GALNT1: variants seen among roughly 807,000 people sequenced by gnomAD.
The protein encoded by GALNT1 is GalNAc transferase 1.
Under a neutral mutation model 65.7 loss-of-function variants are expected in GALNT1, and 17 were observed. The ratio of observed to expected loss-of-function variants is 0.26; its 90% CI spans 0.18 to 0.39. The LOEUF (loss-of-function observed/expected upper bound fraction) is 0.39, where lower values mean the gene tolerates loss of function less well. GALNT1 is among the 10% of genes least tolerant of loss of function. The probability of loss-of-function intolerance (pLI) is 1.00; values close to 1 mark genes in which losing one functional copy is unlikely to be tolerated. For synonymous variants in GALNT1, 210 were observed against 219.7 expected, an observed-to-expected ratio of 0.96 and a Z score of 0.39; for missense variants, 460 against 672.8, an observed-to-expected ratio of 0.68 and a Z score of 3.50.
chr18:35,709,615 C>CTATT lies in GALNT1; in HGVS notation c.1534-7_1534-4dup, dbSNP rs2048323802. On this transcript the variant is annotated splice_polypyrimidine_tract_variant and intron_variant, in intron 11 of 11. Coordinates refer to ENST00000269195, the MANE Select transcript of GALNT1 (RefSeq NM_020474.4). ...TTCCACTCTCATGTTAAGATTTTTT[C>CTATT]TATTTCAGAAATTAACCCTGCAGCA... 2 of 1,611,710 alleles carry CTATT rather than the reference C, an allele frequency of 1.2e-6. No individual in the cohort carries two copies. The highest frequency in any genetic ancestry group is 1.7e-5 in the Admixed American group (1 of 59,396).
chr18:35,652,268 A>G (rs2047321016), intron 1 of GALNT1, among the ~76,000 whole-genome samples: 1 of 152,178 alleles, frequency 6.6e-6, no homozygotes, highest in African/African-American at 2.4e-5. Context: ...CCTAAGAGCC[A>G]AACCCTGTGG....
intron 1 of GALNT1, among the ~76,000 whole-genome samples, chr18:35,637,442 C>A (rs2144261767): frequency 6.6e-6 from 1 of 152,320 alleles, no homozygotes; most frequent in Middle Eastern, 3.4e-3. Context: ...TTTTAGTAGT[C>A]TGCATAGATC....
At chr18:35,689,970 A>C (rs757998415) in intron 7 of GALNT1, among the ~76,000 whole-genome samples, 50 of 152,186 alleles carry the variant, frequency 3.3e-4, no homozygotes, top group Admixed American at 1.8e-3. Flanking sequence ...CTTCTTGTCA[A>C]AGAGAGGGTT....
intron 1 of GALNT1, among the ~76,000 whole-genome samples, chr18:35,625,126 T>C (rs2046899738): frequency 6.6e-6 from 1 of 152,248 alleles, no homozygotes; most frequent in Non-Finnish European, 1.5e-5. Context: ...AGACATTTCA[T>C]AACATCTTTA....
At chr18:35,654,949 T>G (rs986369786) in intron 2 of GALNT1, 148 bp downstream of exon 2, 4 of 485,228 alleles carry the variant, frequency 8.2e-6, no homozygotes, top group African/African-American at 2.0e-5. Context: ...TTGATAGTTC[T>G]CCAATGGGTT....
At position 35,709,588 on chromosome 18, in the gene GALNT1, T is replaced by G. The variant is rs762872973; in HGVS notation, c.1534-36T>G. 3.1e-6 allele frequency: 5 copies of G among 1,607,788 alleles called. No individual in the cohort carries two copies. The Admixed American group carries it at 8.5e-5, about 27-fold the overall frequency. On this transcript the variant is annotated intron_variant, in intron 11 of 11. Coordinates refer to ENST00000269195, the MANE Select transcript of GALNT1 (RefSeq NM_020474.4). ...AACTGATGCTTGAGGTGTTTTGTTT[T>G]CTTCCACTCTCATGTTAAGATTTTT...
In GALNT1 at chr18:35,709,781, A is replaced by C. The variant is rs1019278551; in HGVS notation, c.*11A>C. On this transcript the variant is annotated 3_prime_UTR_variant, in exon 12 of 12. Transcript: ENST00000269195. ...CCAGAAATATTCTGAGACCAAATTT[A>C]CAAAAAAACGAAAAAAATAAGGATT... The C allele has an allele frequency of 1.1e-5, 17 of 1,613,774 alleles. No individual in the cohort carries two copies. Among genetic ancestry groups the C allele is most frequent in the Non-Finnish European group, 1.4e-5 (16 of 1,179,824 alleles).
At chr18:35,629,067 T>G (rs2046965188) in intron 1 of GALNT1, among the ~76,000 whole-genome samples, 1 of 152,092 alleles carries the variant, frequency 6.6e-6, no homozygotes. Flanking sequence ...TGGGACTATG[T>G]GAAAAGACCA....
chr18:35,677,623 C>G lies in GALNT1; in HGVS notation c.347C>G (p.Pro116Arg), dbSNP rs749605460. 2 of 1,612,568 alleles carry G rather than the reference C, an allele frequency of 1.2e-6. No homozygotes were observed. The highest frequency in any genetic ancestry group is 1.7e-6 in the Non-Finnish European group (2 of 1,179,034). ...CKTKVYPDNL[P>R]TTSVVIVFHN... is the part of the protein sequence containing the mutation. ...ACAAAGGTGTATCCAGATAATCTTC[C>G]TACAACAAGTGTGGTGATTGTTTTC... Residue 116 changes from proline to arginine, a missense_variant, in exon 4 of 12, where the codon CCT (proline) becomes CGT (arginine). By Grantham distance (103) the Pro-to-Arg change is moderately radical (BLOSUM62 -2). Transcript: ENST00000269195.
At chr18:35,673,128 G>C (rs1400976022) in intron 3 of GALNT1, among the ~76,000 whole-genome samples, 3 of 152,140 alleles carry the variant, frequency 2.0e-5, no homozygotes, top group Non-Finnish European at 4.4e-5. Context: ...TGCCTGGCAG[G>C]TAGCCAGACA....
intron 2 of GALNT1, among the ~76,000 whole-genome samples, chr18:35,656,610 A>G (rs2047390141): frequency 6.6e-6 from 1 of 152,230 alleles, no homozygotes; most frequent in Non-Finnish European, 1.5e-5. Flanking sequence ...ATAGGAGAAC[A>G]AGAGCACAGG....
chr18:35,699,392 G>A (rs1266052512), intron 9 of GALNT1, among the ~76,000 whole-genome samples: 1 of 152,156 alleles, frequency 6.6e-6, no homozygotes, highest in Non-Finnish European at 1.5e-5. Flanking sequence ...TAGAATCTCA[G>A]TTGCTGTTAG....
chr18:35,599,661 C>G (rs954453948), intron 1 of GALNT1, among the ~76,000 whole-genome samples: 1 of 152,140 alleles, frequency 6.6e-6, no homozygotes, highest in African/African-American at 2.4e-5. Context: ...TTACGCCTAG[C>G]CAGATTTAAG....
intron 4 of GALNT1, among the ~76,000 whole-genome samples, chr18:35,679,577 C>T (rs571966936): frequency 6.6e-6 from 1 of 152,252 alleles, no homozygotes; most frequent in Non-Finnish European, 1.5e-5. Context: ...CCACCTGAGG[C>T]TTAGTCTCTA....
rs1215368123 is a variant in GALNT1, at chr18:35,710,731, C to T, written c.*961C>T. On this transcript the variant is annotated 3_prime_UTR_variant, in exon 12 of 12. Transcript: ENST00000269195. ...TGACCTAACTGATTATGCGAAATACCCAAGATTCATGCTACTGTACCACAG... is the reference window on the plus strand; with the variant it reads ...TGACCTAACTGATTATGCGAAATACTCAAGATTCATGCTACTGTACCACAG... 6.6e-6 allele frequency: 1 copy of T among 152,550 alleles called. No individual in the cohort carries two copies. Among genetic ancestry groups the T allele is most frequent in the Non-Finnish European group, 1.5e-5 (1 of 68,014 alleles). The allele number at this position is 152,550 out of a possible 1,614,324, so 9.4% of individuals were successfully genotyped here.
chr18:35,668,063 G>A (rs2047574416), intron 3 of GALNT1, among the ~76,000 whole-genome samples: 1 of 152,156 alleles, frequency 6.6e-6, no homozygotes, highest in Non-Finnish European at 1.5e-5. Context: ...CCATGCTTAG[G>A]TGATAATATA....
intron 9 of GALNT1, among the ~76,000 whole-genome samples, chr18:35,698,321 T>C (rs1162928531): frequency 6.6e-6 from 1 of 151,760 alleles, no homozygotes; most frequent in Non-Finnish European, 1.5e-5. Context: ...TATGAAAAAT[T>C]AGCTGAGTGT....
rs1167281188 is a variant in GALNT1 at position 35,683,405 on chromosome 18, CCTT to C, written c.497_499del (p.Pro166del). Reference sequence around the variant, plus strand: ...TCATTTTCCAGACTTTTTGAAAAGGCCTTTAGAGAGTTATGTGAAAAAACTAAA... The same window carrying C: ...TCATTTTCCAGACTTTTTGAAAAGGCTAGAGAGTTATGTGAAAAAACTAAA... On this transcript the variant is annotated inframe_deletion, in exon 5 of 12. Coordinates refer to ENST00000269195, the MANE Select transcript of GALNT1 (RefSeq NM_020474.4). 1.9e-6 allele frequency: 3 copies of C among 1,612,850 alleles called. No individual in the cohort carries two copies. In the Admixed American group the frequency reaches 5.0e-5, roughly 27 times the overall value.
chr18:35,643,976 T>C (rs897199693), intron 1 of GALNT1, among the ~76,000 whole-genome samples: 2 of 152,186 alleles, frequency 1.3e-5, no homozygotes, highest in East Asian at 1.9e-4. Context: ...ATATAAACTT[T>C]TAAAGGTATT....
Sources: allele counts gnomAD v4.1 joint callset (sites outside exome capture counted in the v4.1 genomes callset), GRCh38; gene constraint gnomAD v4.1.1; transcripts MANE v1.5; gene names NCBI Gene and HGNC (gene_info 2026-07-23, HGNC 2026-07-21).